The following CSTPP1 variants were observed in gnomAD, a reference collection of about 807,000 sequenced individuals.
The protein encoded by CSTPP1 is UPF0705 protein C11orf49.
chr11:47,162,013 G>A, the CSTPP1 span: 10 of 1,013,394 alleles, frequency 9.9e-6, no homozygotes, highest in Non-Finnish European at 1.2e-5. Flanking sequence ...CCATTAAGGG[G>A]GAGAACCCGA....
At chr11:47,074,227 C>G in the CSTPP1 span, among the ~76,000 whole-genome samples, 24 of 151,948 alleles carry the variant, frequency 1.6e-4, no homozygotes, top group East Asian at 3.7e-3. Flanking sequence ...GCACCAGTTG[C>G]CATGGCTCAT....
the CSTPP1 span, among the ~76,000 whole-genome samples, chr11:47,118,401 T>C: frequency 1 from 152,142 of 152,246 alleles, 76,020 homozygotes; most frequent in Middle Eastern, 1. Flanking sequence ...CGAAAATTCT[T>C]CTTTAGCTCG....
At chr11:47,115,907 G>T in the CSTPP1 span, among the ~76,000 whole-genome samples, 1 of 152,156 alleles carries the variant, frequency 6.6e-6, no homozygotes, top group African/African-American at 2.4e-5. Flanking sequence ...TAATTGTGAT[G>T]TTAGGGTGTC....
chr11:46,960,927 AATG>A, the CSTPP1 span, among the ~76,000 whole-genome samples: 1 of 152,164 alleles, frequency 6.6e-6, no homozygotes, highest in Non-Finnish European at 1.5e-5. Flanking sequence ...GTGGCTAAAT[AATG>A]TTTGATTGTA....
the CSTPP1 span, among the ~76,000 whole-genome samples, chr11:47,027,582 C>G: frequency 6.6e-6 from 1 of 152,194 alleles, no homozygotes; most frequent in Admixed American, 6.5e-5. Flanking sequence ...GAAACTAACT[C>G]TGCTACTGAG....
At chr11:47,023,254 T>C in the CSTPP1 span, 2 of 152,288 alleles carry the variant, frequency 1.3e-5, no homozygotes, top group Non-Finnish European at 2.9e-5. Flanking sequence ...TTTTAAAAAA[T>C]ATGATAAAAC....
chr11:46,943,296 G>A, the CSTPP1 span, among the ~76,000 whole-genome samples: 1 of 152,218 alleles, frequency 6.6e-6, no homozygotes, highest in African/African-American at 2.4e-5. Context: ...TTCGGCAGAT[G>A]AGGAAACTAC....
At chr11:46,949,796 C>T in the CSTPP1 span, among the ~76,000 whole-genome samples, 9 of 151,926 alleles carry the variant, frequency 5.9e-5, no homozygotes, top group African/African-American at 1.5e-4. Flanking sequence ...CTCAGCCTCC[C>T]GAGTAGCTGG....
chr11:46,958,370 C>T, the CSTPP1 span, among the ~76,000 whole-genome samples: 50 of 152,132 alleles, frequency 3.3e-4, no homozygotes, highest in Admixed American at 1.3e-4. Context: ...AATACATATA[C>T]AAAATATGTG....
the CSTPP1 span, chr11:47,155,367 A>C: frequency 2.0e-6 from 2 of 987,174 alleles, no homozygotes; most frequent in Non-Finnish European, 3.2e-6. Context: ...TCTCTTCCCC[A>C]CTTCCTTTGG....
chr11:47,107,301 G>A, the CSTPP1 span, among the ~76,000 whole-genome samples: 1,377 of 152,212 alleles, frequency 9.0e-3, 13 homozygotes, highest in Admixed American at 0.014. Flanking sequence ...CCTGGGCTCC[G>A]CTCACTGAAG....
the CSTPP1 span, among the ~76,000 whole-genome samples, chr11:47,074,938 G>T: frequency 2.0e-5 from 3 of 152,274 alleles, no homozygotes; most frequent in Non-Finnish European, 4.4e-5. Flanking sequence ...GGTACTAAAA[G>T]AATAAGGAGA....
the CSTPP1 span, among the ~76,000 whole-genome samples, chr11:47,053,856 A>T: frequency 2.0e-5 from 3 of 151,986 alleles, no homozygotes; most frequent in Non-Finnish European, 1.5e-5. Context: ...AGGTGGGAGG[A>T]TCACTTGAGC....
At chr11:47,135,590 T>A in the CSTPP1 span, among the ~76,000 whole-genome samples, 1 of 152,204 alleles carries the variant, frequency 6.6e-6, no homozygotes, top group Non-Finnish European at 1.5e-5. Flanking sequence ...TTCAGTAGAA[T>A]TAGAACTCCT....
the CSTPP1 span, among the ~76,000 whole-genome samples, chr11:47,128,181 T>C: frequency 6.6e-6 from 1 of 152,134 alleles, no homozygotes; most frequent in African/African-American, 2.4e-5. Context: ...AGCCTTAGCC[T>C]GTACTCTTAA....
At chr11:47,028,899 G>A in the CSTPP1 span, among the ~76,000 whole-genome samples, 1 of 151,870 alleles carries the variant, frequency 6.6e-6, no homozygotes, top group Admixed American at 6.6e-5. Context: ...GTGCAGTGAT[G>A]TAATCTTGGC....
chr11:46,955,013 G>T, the CSTPP1 span, among the ~76,000 whole-genome samples: 1 of 152,042 alleles, frequency 6.6e-6, no homozygotes, highest in Non-Finnish European at 1.5e-5. Context: ...TGCAGTTCAG[G>T]AATGAGGGAA....
At chr11:47,153,135 G>C in the CSTPP1 span, among the ~76,000 whole-genome samples, 1 of 152,188 alleles carries the variant, frequency 6.6e-6, no homozygotes, top group Non-Finnish European at 1.5e-5. Flanking sequence ...CAATCCAGAT[G>C]TCAAAACAGA....
chr11:47,158,763 G>A, the CSTPP1 span, among the ~76,000 whole-genome samples: 3 of 152,164 alleles, frequency 2.0e-5, no homozygotes, highest in African/African-American at 7.2e-5. Context: ...TCAAACTCCT[G>A]GGCTCAAGGG....
Sources: allele counts gnomAD v4.1 joint callset (sites outside exome capture counted in the v4.1 genomes callset), GRCh38; gene constraint gnomAD v4.1.1; transcripts MANE v1.5; gene names NCBI Gene and HGNC (gene_info 2026-07-23, HGNC 2026-07-21).